The following NEK1 variants were observed in gnomAD, a reference collection of about 807,000 sequenced individuals.
NEK1 encodes the protein serine/threonine-protein kinase Nek1.
Under a neutral mutation model 182.1 loss-of-function variants are expected in NEK1, and 137 were observed. The observed-to-expected ratio is 0.75, with a 90% CI of 0.65 to 0.87. The LOEUF (loss-of-function observed/expected upper bound fraction) is 0.87. Ranked by LOEUF, NEK1 falls within the 40% of genes least tolerant of loss-of-function variation. The probability of loss-of-function intolerance (pLI) is 0.00; values close to 1 mark genes in which losing one functional copy is unlikely to be tolerated. For missense variants in NEK1, 1,391 were observed against 1,494.4 expected (o/e 0.93, Z 1.14); for synonymous variants, 513 against 492.2 (o/e 1.04, Z -0.56).
Position 169,508,233 on chromosome 4 carries a change from A to T in NEK1, c.1833+15T>A. ...CATCATTCAATTTCTTCAAAAAAAT[A>T]GCTTTTCAACCTACCTTTTCACCAC... On this transcript the variant is annotated intron_variant, in intron 21 of 35. Coordinates refer to ENST00000507142, the MANE Select transcript of NEK1 (RefSeq NM_001199397.3). 2.5e-6 allele frequency: 4 copies of T among 1,569,996 alleles called. No individual in the cohort carries two copies. The highest frequency in any genetic ancestry group is 3.4e-6 in the Non-Finnish European group (4 of 1,159,482).
rs145053840 is a variant in NEK1, at chr4:169,489,649, C to A, written c.2008-10115G>T. Among the ~76,000 whole-genome samples, 20 of 152,300 alleles carry A rather than the reference C, an allele frequency of 1.3e-4. No homozygotes were observed. In the East Asian group the frequency reaches 3.9e-3, roughly 29 times the overall value. On this transcript the variant is annotated intron_variant, in intron 23 of 35. Coordinates refer to ENST00000507142, the MANE Select transcript of NEK1 (RefSeq NM_001199397.3). The stretch of plus-strand genomic sequence containing the variant: ...ATGTCCTGCCATGCCAGAGTCACCA[C>A]TACAAGGAACCTCCTCTCCTGGTGT...
chr4:169,537,845 T>A lies in NEK1; in HGVS notation c.1629A>T (p.Glu543Asp). 1 of 1,612,538 alleles carries A rather than the reference T, an allele frequency of 6.2e-7. No homozygotes were observed. The change falls in exon 19 of 36, where the codon GAA becomes GAT. Residue 543 changes from glutamate (E) to aspartate (D), a missense_variant. Glu to Asp is a conservative substitution (Grantham distance 45). Around this residue, in one of 5 missense-constraint regions of NEK1, gnomAD observed 1,216 missense variants for 1,277.6 expected, o/e 0.95. Coordinates refer to ENST00000507142, the MANE Select transcript of NEK1 (RefSeq NM_001199397.3). ...CGGCTCGAGCTTTATTCTGCATAGCTTCCCGTTTTCGCTGCAGGAACTCTT... is the reference window on the plus strand; with the variant it reads ...CGGCTCGAGCTTTATTCTGCATAGCATCCCGTTTTCGCTGCAGGAACTCTT... ...QVEEFLQRKR[E>D]AMQNKARAEG...
chr4:169,605,650 T>C (rs972686375), intron 2 of NEK1, among the ~76,000 whole-genome samples: 4 of 152,326 alleles, frequency 2.6e-5, no homozygotes, highest in East Asian at 3.9e-4. Context: ...TCATAACTTA[T>C]AACTGAAGGA....
intron 27 of NEK1, among the ~76,000 whole-genome samples, chr4:169,445,081 T>C (rs767557472): frequency 3.3e-5 from 5 of 151,970 alleles, no homozygotes; most frequent in Non-Finnish European, 5.9e-5. Context: ...CAAACCAAAA[T>C]CTATGGGAAA....
intron 35 of NEK1, 49 bp downstream of exon 35, chr4:169,400,176 T>C: frequency 2.6e-6 from 4 of 1,533,080 alleles, no homozygotes; most frequent in South Asian, 1.2e-5. Context: ...TATCATCTTG[T>C]TTTTCTCACA....
rs1297926555 is a variant in NEK1 at position 169,401,902 on chromosome 4, A to G, written c.3375-42T>C. ...ATAACTAAAAGTTTCAAACATACTG[A>G]AATTTACCAAGTTAAACAACTAAAA... On this transcript the variant is annotated intron_variant, in intron 32 of 35. Coordinates refer to ENST00000507142, the MANE Select transcript of NEK1 (RefSeq NM_001199397.3). 8 of 1,508,046 alleles carry G rather than the reference A, an allele frequency of 5.3e-6. No homozygotes were observed. The East Asian group carries it at 1.8e-4, about 35-fold the overall frequency. 93.4% of individuals were successfully genotyped at this position (1,508,046 alleles called of 1,614,324 possible). A position where few individuals can be genotyped will look rare whatever the true frequency, so the allele number is the denominator to read the frequency against.
At chr4:169,473,247 A>G (rs1579980685) in intron 26 of NEK1, among the ~76,000 whole-genome samples, 1 of 76,898 alleles carries the variant, frequency 1.3e-5, no homozygotes, top group Non-Finnish European at 2.3e-5. Context: ...GCCTGTCTTG[A>G]AAAAAAAAAA....
intron 19 of NEK1, among the ~76,000 whole-genome samples, chr4:169,512,823 T>C (rs1305824452): frequency 6.6e-6 from 1 of 152,146 alleles, no homozygotes; most frequent in Admixed American, 6.5e-5. Context: ...GGATGTCCAA[T>C]TCCTCCCACA....
intron 9 of NEK1, among the ~76,000 whole-genome samples, chr4:169,587,086 C>CA (rs1022512932): frequency 2.0e-5 from 3 of 150,794 alleles, no homozygotes; most frequent in South Asian, 2.1e-4. Context: ...TATGTTATTT[C>CA]AAAAAAAAGT....
chr4:169,433,469 G>A (rs1737807518), intron 29 of NEK1, 76 bp downstream of exon 29: 2 of 1,364,650 alleles, frequency 1.5e-6, no homozygotes, highest in Admixed American at 2.1e-5. Flanking sequence ...TGCAATATTA[G>A]CTTATTATAG....
intron 31 of NEK1, among the ~76,000 whole-genome samples, chr4:169,415,820 A>G (rs1479293352): frequency 6.6e-6 from 1 of 152,178 alleles, no homozygotes; most frequent in Non-Finnish European, 1.5e-5. Flanking sequence ...ATTACATCTT[A>G]GTTTCTGCAA....
At chr4:169,493,241 G>A (rs1339005766) in intron 23 of NEK1, among the ~76,000 whole-genome samples, 2 of 152,190 alleles carry the variant, frequency 1.3e-5, no homozygotes, top group Admixed American at 6.5e-5. Context: ...GAAGCCAATC[G>A]AGCATACACA....
intron 31 of NEK1, among the ~76,000 whole-genome samples, chr4:169,423,242 A>C (rs1410651025): frequency 6.6e-6 from 1 of 152,132 alleles, no homozygotes; most frequent in Non-Finnish European, 1.5e-5. Context: ...AGCTGGGATT[A>C]CAGGCCCACA....
chr4:169,495,884 G>A (rs1305914230), intron 23 of NEK1, among the ~76,000 whole-genome samples: 5 of 152,210 alleles, frequency 3.3e-5, no homozygotes, highest in East Asian at 3.9e-4. Context: ...TTGGCAATGC[G>A]GGCTCTTTTT....
rs922624000 is a variant in NEK1 at position 169,463,395 on chromosome 4, C to G, written c.2435G>C (p.Arg812Thr). Residue 812 changes from arginine (R) to threonine (T), a missense_variant and splice_region_variant, in exon 27 of 36, where the codon AGA becomes ACA. Coordinates refer to ENST00000507142, the MANE Select transcript of NEK1 (RefSeq NM_001199397.3). ...TTTAATAACTTCTCCCACTGTATGT[C>G]CTATAAGAAAAATATACAAAGAAAC... ...TLDTSFSTTE[R>T]HTVGEVIKLG... is the part of the protein sequence containing the mutation. The G allele has an allele frequency of 2.5e-6, 4 of 1,590,608 alleles. No homozygotes were observed. The highest frequency in any genetic ancestry group is 3.4e-6 in the Non-Finnish European group (4 of 1,167,422).
At chr4:169,410,475 T>C (rs751295190) in intron 31 of NEK1, among the ~76,000 whole-genome samples, 13 of 152,222 alleles carry the variant, frequency 8.5e-5, no homozygotes, top group Non-Finnish European at 1.0e-4. Context: ...AATCAGGAAG[T>C]AGTAGTATTC....
chr4:169,455,671 G>C (rs1224503996), intron 27 of NEK1, among the ~76,000 whole-genome samples: 1 of 152,030 alleles, frequency 6.6e-6, no homozygotes, highest in East Asian at 1.9e-4. Flanking sequence ...ATAATACCTG[G>C]AGACTTTAAC....
intron 23 of NEK1, among the ~76,000 whole-genome samples, chr4:169,499,011 G>A (rs1306803888): frequency 6.6e-6 from 1 of 152,160 alleles, no homozygotes; most frequent in African/African-American, 2.4e-5. Context: ...TTCCAACTTG[G>A]TTCCATTCTC....
chr4:169,544,344 T>G (rs765639200), intron 18 of NEK1, among the ~76,000 whole-genome samples: 3 of 152,220 alleles, frequency 2.0e-5, no homozygotes, highest in Non-Finnish European at 4.4e-5. Flanking sequence ...ATAAGCTTTT[T>G]GATGTGCTGC....
Sources: allele counts gnomAD v4.1 joint callset (sites outside exome capture counted in the v4.1 genomes callset), GRCh38; gene constraint gnomAD v4.1.1; regional missense constraint gnomAD v4.1.1; transcripts MANE v1.5; gene names NCBI Gene and HGNC (gene_info 2026-07-23, HGNC 2026-07-21).